Variants in MAGI2 observed in about 807,000 individuals in gnomAD.
The protein encoded by MAGI2 is membrane associated guanylate kinase, WW and PDZ domain containing 2.
A neutral mutation model predicts 133.3 loss-of-function variants in MAGI2; 35 were observed. The ratio of observed to expected loss-of-function variants is 0.26; its 90% confidence interval spans 0.20 to 0.35. The LOEUF (loss-of-function observed/expected upper bound fraction) is 0.35, where lower values mean the gene tolerates loss of function less well. Among genes scored for constraint, MAGI2 ranks in the 10% least tolerant of loss-of-function variants. The probability of loss-of-function intolerance (pLI) is 1.00; values close to 1 mark genes in which losing one functional copy is unlikely to be tolerated. For missense variants in MAGI2, 1,636 were observed against 1,863.4 expected, an observed-to-expected ratio of 0.88 and a Z score of 2.25; for synonymous variants, 729 against 710.6, an observed-to-expected ratio of 1.03 and a Z score of -0.41.
intron 1 of MAGI2, among the ~76,000 whole-genome samples, chr7:79,294,496 C>T (rs1287485360): frequency 1.3e-5 from 2 of 152,048 alleles, no homozygotes; most frequent in African/African-American, 4.8e-5. Context: ...CATGGGTCCG[C>T]CCCATCCTCT....
intron 2 of MAGI2, among the ~76,000 whole-genome samples, chr7:78,703,250 A>G (rs150402467): frequency 6.6e-6 from 1 of 152,158 alleles, no homozygotes; most frequent in African/African-American, 2.4e-5. Context: ...ATATTTCTTA[A>G]TTTCATCTGT....
At chr7:78,422,675 AGTTGTATTGCTTAGAGGG>A (rs1798909472) in intron 6 of MAGI2, among the ~76,000 whole-genome samples, 2 of 152,214 alleles carry the variant, frequency 1.3e-5, no homozygotes, top group Admixed American at 1.3e-4. Context: ...ACTTTCTCAA[AGTTGTATTGCTTAGAGGG>A]AGTAGAAATA....
chr7:78,649,636 C>CT (rs200231652), intron 2 of MAGI2, among the ~76,000 whole-genome samples: 56 of 151,386 alleles, frequency 3.7e-4, no homozygotes, highest in African/African-American at 6.8e-4. Context: ...CAAAAAATTT[C>CT]TTTTTTTTTA....
At chr7:78,147,179 C>A (rs1563181472) in intron 16 of MAGI2, among the ~76,000 whole-genome samples, 1 of 152,278 alleles carries the variant, frequency 6.6e-6, no homozygotes, top group East Asian at 1.9e-4. Context: ...TTTCGCATGA[C>A]TGGATAAAAT....
intron 1 of MAGI2, among the ~76,000 whole-genome samples, chr7:79,082,536 T>C (rs1816133445): frequency 6.6e-6 from 1 of 152,076 alleles, no homozygotes; most frequent in Non-Finnish European, 1.5e-5. Context: ...ACCACATGTG[T>C]ATGCATTTAT....
intron 2 of MAGI2, among the ~76,000 whole-genome samples, chr7:78,945,151 TC>T (rs1264577371): frequency 6.6e-6 from 1 of 151,912 alleles, no homozygotes; most frequent in Non-Finnish European, 1.5e-5. Context: ...AACCTCCCCC[TC>T]CCCGGTTCAA....
chr7:78,554,811 G>A (rs370609278), intron 3 of MAGI2: 2 of 151,982 alleles, frequency 1.3e-5, no homozygotes, highest in African/African-American at 2.4e-5. Context: ...ATTTTTCCAC[G>A]ACTCTCCCAT....
At chr7:78,438,042 A>G (rs1012649507) in intron 6 of MAGI2, among the ~76,000 whole-genome samples, 36 of 152,154 alleles carry the variant, frequency 2.4e-4, no homozygotes, top group African/African-American at 8.4e-4. Context: ...ACATGTAATG[A>G]TACTTTGTTC....
chr7:79,282,184 A>G (rs1287204338), intron 1 of MAGI2, among the ~76,000 whole-genome samples: 1 of 152,122 alleles, frequency 6.6e-6, no homozygotes, highest in Admixed American at 6.6e-5. Context: ...AGCAACCCAT[A>G]TTTCATTAGG....
At chr7:78,801,759 T>C (rs948562517) in intron 2 of MAGI2, among the ~76,000 whole-genome samples, 2 of 152,182 alleles carry the variant, frequency 1.3e-5, no homozygotes, top group Non-Finnish European at 2.9e-5. Flanking sequence ...AAGCACTTTC[T>C]GTGTGTCAGG....
chr7:78,118,621 C>T (rs1426318151), intron 20 of MAGI2, among the ~76,000 whole-genome samples: 5 of 152,160 alleles, frequency 3.3e-5, no homozygotes, highest in Non-Finnish European at 5.9e-5. Flanking sequence ...CATATGCCAT[C>T]GAGGAAATGT....
At chr7:78,554,957 G>A (rs1584612236) in intron 3 of MAGI2, among the ~76,000 whole-genome samples, 1 of 151,850 alleles carries the variant, frequency 6.6e-6, no homozygotes, top group South Asian at 2.1e-4. Flanking sequence ...ACCAGCCTGG[G>A]CAAGATGGTG....
chr7:78,057,977 G>GTGTATATTTATATA (rs762943472), intron 21 of MAGI2, among the ~76,000 whole-genome samples: 3 of 106,610 alleles, frequency 2.8e-5, no homozygotes, highest in African/African-American at 1.0e-4. Flanking sequence ...ATATATATGT[G>GTGTATATTTATATA]TATATATATA....
intron 6 of MAGI2, among the ~76,000 whole-genome samples, chr7:78,472,141 G>T (rs1791271302): frequency 6.6e-6 from 1 of 152,034 alleles, no homozygotes; most frequent in Admixed American, 6.6e-5. Flanking sequence ...GTTTGCAGAT[G>T]ATCATCTCTT....
intron 1 of MAGI2, among the ~76,000 whole-genome samples, chr7:79,033,958 TA>T (rs35340066): frequency 0.12 from 17,956 of 151,940 alleles, 1,511 homozygotes; most frequent in African/African-American, 0.24. Context: ...ATTTTGTATT[TA>T]AAAAAAATGT....
intron 2 of MAGI2, among the ~76,000 whole-genome samples, chr7:78,929,109 A>G (rs910808348): frequency 9.2e-5 from 14 of 152,174 alleles, no homozygotes; most frequent in Admixed American, 7.2e-4. Context: ...ATGCTAAAAC[A>G]TAAAATGTGT....
At chr7:79,075,807 A>G (rs1815412341) in intron 1 of MAGI2, among the ~76,000 whole-genome samples, 1 of 152,180 alleles carries the variant, frequency 6.6e-6, no homozygotes, top group South Asian at 2.1e-4. Context: ...TCTAATAAAA[A>G]GGAGTTTCAG....
intron 2 of MAGI2, among the ~76,000 whole-genome samples, chr7:78,754,823 C>T (rs75200890): frequency 0.081 from 12,304 of 152,228 alleles, 708 homozygotes; most frequent in East Asian, 0.24. Context: ...TCACCACTTG[C>T]ATCTTAATTT....
At chr7:78,752,705 G>A (rs1823570054) in intron 2 of MAGI2, among the ~76,000 whole-genome samples, 1 of 152,176 alleles carries the variant, frequency 6.6e-6, no homozygotes, top group African/African-American at 2.4e-5. Context: ...TATTGTGACT[G>A]CCTGGCTAAC....
Sources: allele counts gnomAD v4.1 joint callset (sites outside exome capture counted in the v4.1 genomes callset), GRCh38; gene constraint gnomAD v4.1.1; transcripts MANE v1.5; gene names NCBI Gene and HGNC (gene_info 2026-07-23, HGNC 2026-07-21).